The following NUCB2 variants were observed in gnomAD, a reference collection of about 807,000 sequenced individuals.
The protein encoded by NUCB2 is nucleobindin-2.
In NUCB2, 48 loss-of-function variants were observed where a neutral mutation model predicts 57.9. The ratio of observed to expected loss-of-function variants is 0.83; its 90% CI spans 0.66 to 1.05. NUCB2 has a LOEUF of 1.05. Ranked by LOEUF, NUCB2 falls within the 50% of genes least tolerant of loss-of-function variation. The probability of loss-of-function intolerance (pLI) is 0.00; values close to 1 mark genes in which losing one functional copy is unlikely to be tolerated. For synonymous variants in NUCB2, 139 were observed against 152.1 expected, an observed-to-expected ratio of 0.91 and a Z score of 0.64; for missense variants, 442 against 476.2, an observed-to-expected ratio of 0.93 and a Z score of 0.67.
Position 17,331,405 on chromosome 11 carries a change from C to T in NUCB2, c.1256-7C>T. The T allele has an allele frequency of 7.0e-7, 1 of 1,437,798 alleles. No individual in the cohort carries two copies. The highest frequency in any genetic ancestry group is 1.6e-5 in the South Asian group (1 of 60,844). The allele number at this position is 1,437,798 out of a possible 1,614,324, so 89.1% of individuals were successfully genotyped here. ...TAAAATAAGAACTTTTTTCTTTTTT[C>T]CAACAGACATTTAAAGTCTGAAGTC... On this transcript the variant is annotated splice_region_variant and splice_polypyrimidine_tract_variant and intron_variant, in intron 13 of 13. Transcript: ENST00000529010.
At chr11:17,295,229 G>A in intron 2 of NUCB2, 95 bp from the exon 3 acceptor site, 1 of 1,095,680 alleles carries the variant, frequency 9.1e-7, no homozygotes, top group Non-Finnish European at 1.3e-6. Context: ...TAAACCTCTT[G>A]AGATTAAATA....
intron 10 of NUCB2, among the ~76,000 whole-genome samples, chr11:17,313,670 C>T (rs1333087351): frequency 6.6e-6 from 1 of 152,134 alleles, no homozygotes. Context: ...TTCCTTTTCG[C>T]CTTAATCTGT....
chr11:17,331,278 G>C (rs924133416), intron 13 of NUCB2, 134 bp from the exon 14 acceptor site: 1 of 510,830 alleles, frequency 2.0e-6, no homozygotes, highest in Non-Finnish European at 3.4e-6. Flanking sequence ...TCTTACCAGA[G>C]AATATGTTTT....
At chr11:17,315,946 G>T in intron 11 of NUCB2, among the ~76,000 whole-genome samples, 1 of 151,856 alleles carries the variant, frequency 6.6e-6, no homozygotes, top group East Asian at 1.9e-4. Flanking sequence ...TCATATTTAT[G>T]TGTTTTTTGT....
At chr11:17,288,938 CACACACACACACATATATATAT>C (rs1565377052) in intron 2 of NUCB2, among the ~76,000 whole-genome samples, 2 of 82,888 alleles carry the variant, frequency 2.4e-5, no homozygotes, top group African/African-American at 8.3e-5. Context: ...CACACACACA[CACACACACACACATATATATAT>C]ATATTTTTTT....
intron 5 of NUCB2, among the ~76,000 whole-genome samples, chr11:17,309,016 A>G (rs1948094652): frequency 6.6e-6 from 1 of 152,300 alleles, no homozygotes; most frequent in South Asian, 2.1e-4. Flanking sequence ...AAGATATAAC[A>G]TTAAAATATG....
chr11:17,339,988 A>G (rs1952122678), intron 2 of NUCB2, among the ~76,000 whole-genome samples: 3 of 152,082 alleles, frequency 2.0e-5, no homozygotes. Flanking sequence ...AAGTGTTCCT[A>G]TTTCTCCACA....
Position 17,285,166 on chromosome 11 carries a change from G to A in NUCB2, c.-1+2223G>A, listed in dbSNP as rs369201168. ...AAAGAGGCTGGGCGCGGTGGCTCAT[G>A]CCTGTAATCCCAGCACTTTGGGAGG... On this transcript the variant is annotated intron_variant, in intron 2 of 13. Transcript: ENST00000529010. Among the ~76,000 whole-genome samples, 235 of 152,144 alleles carry A rather than the reference G, an allele frequency of 1.5e-3. 6 individuals are homozygous for A. In the East Asian group the frequency reaches 0.029, roughly 19 times the overall value.
chr11:17,319,359 C>T (rs1949711268), intron 11 of NUCB2, among the ~76,000 whole-genome samples: 1 of 152,144 alleles, frequency 6.6e-6, no homozygotes, highest in South Asian at 2.1e-4. Context: ...TCTTTGGGGA[C>T]TTCCTTACTT....
At chr11:17,315,506 G>A (rs761775587) in intron 11 of NUCB2, 31 bp downstream of exon 11, 16 of 1,314,544 alleles carry the variant, frequency 1.2e-5, no homozygotes, top group East Asian at 2.3e-5. Context: ...TGAGATGTAT[G>A]GTTCAACAAA....
intron 2 of NUCB2, among the ~76,000 whole-genome samples, chr11:17,344,961 A>G (rs1460277653): frequency 6.6e-6 from 1 of 152,240 alleles, no homozygotes; most frequent in Non-Finnish European, 1.5e-5. Flanking sequence ...AGGAGGGTTA[A>G]TCTTTCCTGA....
chr11:17,313,124 G>C (rs1948749006), intron 10 of NUCB2, among the ~76,000 whole-genome samples: 3 of 151,798 alleles, frequency 2.0e-5, no homozygotes, highest in Admixed American at 2.0e-4. Context: ...GCTGAAGTTT[G>C]CATTTTTGAT....
At chr11:17,349,305 A>G (rs926908724) in intron 2 of NUCB2, 2 of 152,364 alleles carry the variant, frequency 1.3e-5, no homozygotes, top group African/African-American at 2.4e-5. Flanking sequence ...AACATTTTAA[A>G]TAAGAGTAGC....
At chr11:17,306,200 A>G (rs1015249453) in intron 5 of NUCB2, among the ~76,000 whole-genome samples, 1 of 152,118 alleles carries the variant, frequency 6.6e-6, no homozygotes, top group Non-Finnish European at 1.5e-5. Context: ...ATAGCCTCCC[A>G]TAGGTTGGTT....
At chr11:17,327,146 T>C (rs1591561493) in intron 11 of NUCB2, among the ~76,000 whole-genome samples, 1 of 152,176 alleles carries the variant, frequency 6.6e-6, no homozygotes, top group African/African-American at 2.4e-5. Flanking sequence ...CTGCAACTTC[T>C]GCTTCTCAGG....
intron 2 of NUCB2, among the ~76,000 whole-genome samples, chr11:17,287,389 A>G (rs1383136978): frequency 1.3e-5 from 2 of 151,926 alleles, no homozygotes; most frequent in African/African-American, 4.8e-5. Flanking sequence ...TATGGTATTA[A>G]GGCCGGGCGT....
chr11:17,309,744 C>A, intron 6 of NUCB2, 69 bp downstream of exon 6: 3 of 913,576 alleles, frequency 3.3e-6, no homozygotes, highest in Non-Finnish European at 5.1e-6. Flanking sequence ...CAAGTAAACC[C>A]AATGAAATGG....
At chr11:17,291,051 C>G (rs1422500575) in intron 2 of NUCB2, among the ~76,000 whole-genome samples, 1 of 152,058 alleles carries the variant, frequency 6.6e-6, no homozygotes, top group African/African-American at 2.4e-5. Context: ...GAACCCTGTA[C>G]CCATTTAGCA....
downstream of NUCB2, among the ~76,000 whole-genome samples, chr11:17,336,241 C>T (rs1412216155): frequency 6.6e-6 from 1 of 152,104 alleles, no homozygotes; most frequent in African/African-American, 2.4e-5. Context: ...CCACGCCCAG[C>T]TTGCATTGTA....
Sources: allele counts gnomAD v4.1 joint callset (sites outside exome capture counted in the v4.1 genomes callset), GRCh38; gene constraint gnomAD v4.1.1; transcripts MANE v1.5; gene names NCBI Gene and HGNC (gene_info 2026-07-23, HGNC 2026-07-21).